Variants in NRDC observed in about 807,000 individuals in gnomAD.
NRDC encodes the protein nardilysin convertase, also known as nardilysin.
NRDC carries 54 observed loss-of-function variants against 147.1 expected under a neutral mutation model. The ratio of observed to expected loss-of-function variants is 0.37; its 90% CI spans 0.29 to 0.46. The LOEUF (loss-of-function observed/expected upper bound fraction) is 0.46. Among genes scored for constraint, NRDC ranks in the 20% least tolerant of loss-of-function variants. NRDC has a pLI of 1.00. For synonymous variants in NRDC, 440 were observed against 482.1 expected, an observed-to-expected ratio of 0.91 and a Z score of 1.14; for missense variants, 1,082 against 1,370.6, an observed-to-expected ratio of 0.79 and a Z score of 3.33.
chr1:51,804,999 A>T (rs938800460), intron 19 of NRDC, among the ~76,000 whole-genome samples: 1 of 149,276 alleles, frequency 6.7e-6, no homozygotes, highest in Non-Finnish European at 1.5e-5. Context: ...CGAAATATCA[A>T]CTACATTCAG....
chr1:51,813,520 T>C (rs1679824124), intron 14 of NRDC, among the ~76,000 whole-genome samples: 1 of 152,124 alleles, frequency 6.6e-6, no homozygotes, highest in African/African-American at 2.4e-5. Flanking sequence ...CTTTACTAGA[T>C]GCCTGGGCTC....
chr1:51,826,183 A>G (rs752668523), intron 5 of NRDC, among the ~76,000 whole-genome samples: 4 of 152,176 alleles, frequency 2.6e-5, no homozygotes, highest in Non-Finnish European at 4.4e-5. Flanking sequence ...TGGCAGCCCA[A>G]ATGGACTAAA....
At chr1:51,836,455 G>A in intron 2 of NRDC, 1 of 1,610,438 alleles carries the variant, frequency 6.2e-7, no homozygotes, top group Non-Finnish European at 8.5e-7. Context: ...AAAAAAAGCA[G>A]AAACAGACAG....
intron 5 of NRDC, among the ~76,000 whole-genome samples, chr1:51,826,092 T>C (rs1333979439): frequency 6.6e-6 from 1 of 152,224 alleles, no homozygotes; most frequent in African/African-American, 2.4e-5. Context: ...GCCAGTTCTT[T>C]GATCTTGGAC....
rs1678433635 is a variant in NRDC at position 51,789,258 on chromosome 1, G to A, written c.3434C>T (p.Pro1145Leu). Residue 1145 changes from proline (P) to leucine (L), a missense_variant, in exon 31 of 31, where the codon CCC becomes CTC. Around this residue, in one of 3 missense-constraint regions of NRDC, gnomAD observed 187 missense variants for 193.6 expected, o/e 0.97. Transcript: ENST00000352171. ...RAFTTTLNLLPYHKIVK is the reference protein window; with the variant it reads ...RAFTTTLNLLLYHKIVK ...TATTTATTTGACTATTTTATGGTAGGGGAGAAGGTTGAGTGTTGTTGTGAA... is the reference window on the plus strand; with the variant it reads ...TATTTATTTGACTATTTTATGGTAGAGGAGAAGGTTGAGTGTTGTTGTGAA... 1 of 1,613,962 alleles carries A rather than the reference G, an allele frequency of 6.2e-7. No homozygotes were observed. The highest frequency in any genetic ancestry group is 8.5e-7 in the Non-Finnish European group (1 of 1,179,950).
intron 2 of NRDC, among the ~76,000 whole-genome samples, chr1:51,838,720 T>C (rs1297297440): frequency 2.0e-5 from 3 of 152,260 alleles, no homozygotes; most frequent in African/African-American, 7.2e-5. Flanking sequence ...TTCCTGACTG[T>C]CAGTGTTCTT....
At chr1:51,814,648 G>A (rs1189229526) in intron 12 of NRDC, 39 bp from the exon 13 acceptor site, 2 of 1,607,472 alleles carry the variant, frequency 1.2e-6, no homozygotes, top group Non-Finnish European at 1.7e-6. Context: ...TGCATAAAGT[G>A]ATATCTACGT....
At chr1:51,811,679 T>C (rs1679723689) in intron 15 of NRDC, among the ~76,000 whole-genome samples, 1 of 152,224 alleles carries the variant, frequency 6.6e-6, no homozygotes, top group Admixed American at 6.5e-5. Context: ...AACAACTACG[T>C]ATTTTTCACA....
At chr1:51,808,595 G>A (rs1679570968) in intron 17 of NRDC, among the ~76,000 whole-genome samples, 1 of 152,104 alleles carries the variant, frequency 6.6e-6, no homozygotes, top group Non-Finnish European at 1.5e-5. Context: ...TGAACATGAA[G>A]GTCCATGTAT....
intron 1 of NRDC, among the ~76,000 whole-genome samples, chr1:51,870,274 T>G (rs997682953): frequency 6.6e-6 from 1 of 152,182 alleles, no homozygotes; most frequent in Non-Finnish European, 1.5e-5. Flanking sequence ...AAAAGAAAAG[T>G]GAAGAGGGGA....
chr1:51,840,666 C>T, intron 1 of NRDC, 152 bp from the exon 2 acceptor site: 1 of 611,880 alleles, frequency 1.6e-6, no homozygotes, highest in Non-Finnish European at 2.7e-6. Context: ...AAATTGGTTG[C>T]TCTGGAGAGG....
At chr1:51,791,240 T>C (rs1265431770) in intron 27 of NRDC, among the ~76,000 whole-genome samples, 2 of 151,984 alleles carry the variant, frequency 1.3e-5, no homozygotes, top group African/African-American at 2.4e-5. Context: ...GTCACAACCA[T>C]GTATGACCAT....
chr1:51,874,556 C>G (rs567208470), intron 1 of NRDC, among the ~76,000 whole-genome samples: 14 of 151,428 alleles, frequency 9.2e-5, no homozygotes, highest in Non-Finnish European at 1.6e-4. Context: ...CTGCAGTGAG[C>G]CGTGATGGCG....
At position 51,878,014 on chromosome 1, in the gene NRDC, A is replaced by T. The variant is rs1683418341; in HGVS notation, c.341+261T>A. ...GGCTGCGTTCCTCAAAGAAACCTTC[A>T]TTCTTGCTTTAGCGACTGTATTCAA... On this transcript the variant is annotated intron_variant, in intron 1 of 30. Transcript: ENST00000352171. 2.4e-5 allele frequency: 32 copies of T among 1,330,526 alleles called. 1 individual carries two copies. In the South Asian group the frequency reaches 6.3e-4, roughly 26 times the overall value. The allele number at this position is 1,330,526 out of a possible 1,614,324, so 82.4% of individuals were successfully genotyped here. A position where few individuals can be genotyped will look rare whatever the true frequency, so the allele number is the denominator to read the frequency against.
intron 11 of NRDC, 32 bp from the exon 12 acceptor site, chr1:51,814,845 T>C (rs1202830532): frequency 1.9e-6 from 3 of 1,544,120 alleles, no homozygotes; most frequent in East Asian, 2.3e-5. Flanking sequence ...ACCCAATCAA[T>C]GTTCCTGGAT....
At chr1:51,846,449 T>C (rs1209335608) in intron 1 of NRDC, among the ~76,000 whole-genome samples, 1 of 152,212 alleles carries the variant, frequency 6.6e-6, no homozygotes, top group Non-Finnish European at 1.5e-5. Context: ...TTCACTCTTT[T>C]TGTGTCTGGA....
intron 4 of NRDC, among the ~76,000 whole-genome samples, chr1:51,832,746 G>GA (rs199882699): frequency 1.5e-3 from 218 of 150,250 alleles, no homozygotes; most frequent in African/African-American, 5.0e-3. Flanking sequence ...AAAGCTTAAA[G>GA]AAAAAAAAAG....
chr1:51,797,578 T>C (rs947970007), intron 22 of NRDC, among the ~76,000 whole-genome samples: 1 of 152,182 alleles, frequency 6.6e-6, no homozygotes, highest in Admixed American at 6.5e-5. Flanking sequence ...TATGTATGTA[T>C]CTATGTATGT....
chr1:51,842,606 A>G (rs1419334347), intron 1 of NRDC, among the ~76,000 whole-genome samples: 2 of 152,256 alleles, frequency 1.3e-5, no homozygotes, highest in African/African-American at 4.8e-5. Flanking sequence ...GCAACAAACT[A>G]CGACAGTGGT....
Sources: gnomAD v4.1 joint callset for allele counts (sites outside exome capture counted in the v4.1 genomes callset) on GRCh38, gnomAD v4.1.1 for gene constraint, gnomAD v4.1.1 regional missense constraint, MANE v1.5 for transcripts, NCBI Gene and HGNC (gene_info 2026-07-23, HGNC 2026-07-21) for gene names.